The following ACSM2A variants were observed in gnomAD, a reference collection of about 807,000 sequenced individuals.
ACSM2A encodes the protein acyl-coenzyme A synthetase ACSM2A, mitochondrial.
ACSM2A carries 72 observed loss-of-function variants against 76.6 expected under a neutral mutation model. The observed-to-expected ratio is 0.94, with a 90% CI of 0.78 to 1.14. The LOEUF (loss-of-function observed/expected upper bound fraction) is 1.14. ACSM2A is among the 50% of genes most tolerant of loss of function. ACSM2A has a pLI of 0.00. For missense variants in ACSM2A, 684 were observed against 708.5 expected, an observed-to-expected ratio of 0.97 and a Z score of 0.39; for synonymous variants, 249 against 255.9, an observed-to-expected ratio of 0.97 and a Z score of 0.26.
chr16:20,477,477 A>G lies in ACSM2A; in HGVS notation c.1179+28A>G, dbSNP rs562935683. ...TTGCTCGGGACACTGAGGAGGGAGG[A>G]AGTTAGGGGAAACACTGATTTTCAG... On this transcript the variant is annotated intron_variant, in intron 9 of 13. Coordinates refer to ENST00000573854, the MANE Select transcript of ACSM2A (RefSeq NM_001308172.2). 3.2e-4 allele frequency: 506 copies of G among 1,580,948 alleles called. 6 individuals carry two copies. The highest frequency in any genetic ancestry group is 2.0e-3 in the South Asian group (167 of 84,190).
chr16:20,464,753 A>G (rs1439708359), intron 2 of ACSM2A, among the ~76,000 whole-genome samples: 3 of 152,132 alleles, frequency 2.0e-5, no homozygotes, highest in Non-Finnish European at 4.4e-5. Context: ...AGAGTCGGAA[A>G]GTAGAATGGT....
chr16:20,467,692 T>C (rs1264447112), intron 3 of ACSM2A, among the ~76,000 whole-genome samples: 1 of 152,036 alleles, frequency 6.6e-6, no homozygotes, highest in African/African-American at 2.4e-5. Flanking sequence ...AAAGAGGTAT[T>C]AGTGTGTTAG....
intron 2 of ACSM2A, among the ~76,000 whole-genome samples, chr16:20,462,026 A>T (rs2012653775): frequency 6.6e-6 from 1 of 152,168 alleles, no homozygotes; most frequent in Admixed American, 6.5e-5. Flanking sequence ...CAGACACAGG[A>T]CAGGTAAAGT....
chr16:20,453,479 T>A (rs1434405270), intron 1 of ACSM2A: 1 of 148,594 alleles, frequency 6.7e-6, no homozygotes, highest in Non-Finnish European at 1.5e-5. Context: ...CTTAATCCTG[T>A]TATCTTCATA....
chr16:20,478,559 T>A lies in ACSM2A; in HGVS notation c.1180-17T>A. ...CCTGCTGTGTGCATCATTCTTCCAA[T>A]CTGCTTCTTTCTCCAGATCATAGAT... On this transcript the variant is annotated splice_polypyrimidine_tract_variant and intron_variant, in intron 9 of 13. Transcript: ENST00000573854. 1.9e-6 allele frequency: 3 copies of A among 1,611,782 alleles called. No homozygotes were observed. The South Asian group carries it at 3.3e-5, about 18-fold the overall frequency.
At chr16:20,469,786 C>A in intron 4 of ACSM2A, 67 bp downstream of exon 4, 2 of 1,598,608 alleles carry the variant, frequency 1.3e-6, no homozygotes, top group Non-Finnish European at 1.7e-6. Flanking sequence ...CACTTAGGTG[C>A]AGGTGCTTTA....
rs569856514 is a variant in ACSM2A, at chr16:20,457,362, GAAAGA to G, written c.-8-2741_-8-2737del. ...CCAAACCAGAAAAGGATGTAACAAAGAAAGAAAACTACAGACCAATATCCTTGATG... is the reference window on the plus strand; with the variant it reads ...CCAAACCAGAAAAGGATGTAACAAAGAAACTACAGACCAATATCCTTGATG... On this transcript the variant is annotated intron_variant, in intron 1 of 13. Transcript: ENST00000573854. Among the ~76,000 whole-genome samples the G allele has an allele frequency of 2.6e-5, 4 of 152,050 alleles. No homozygotes were observed. In the East Asian group the frequency reaches 7.7e-4, roughly 29 times the overall value.
intron 5 of ACSM2A, 102 bp from the exon 6 acceptor site, chr16:20,471,434 C>T: frequency 1.3e-5 from 19 of 1,514,686 alleles, no homozygotes; most frequent in Non-Finnish European, 1.7e-5. Flanking sequence ...TACACACACA[C>T]CTCTGCACAC....
At chr16:20,486,505 G>T (rs567969724) in intron 13 of ACSM2A, 69 bp from the exon 14 acceptor site, 1 of 1,557,262 alleles carries the variant, frequency 6.4e-7, no homozygotes, top group East Asian at 2.2e-5. Context: ...TCACCCTACA[G>T]CAGTTCTGAA....
In ACSM2A at chr16:20,475,725, G is replaced by T; in HGVS notation, c.1050G>T (p.Arg350Ser). 6.2e-7 allele frequency: 1 copy of T among 1,614,026 alleles called. No individual in the cohort carries two copies. Residue 350 changes from arginine to serine, a missense_variant, in exon 8 of 14, where the codon AGG becomes AGT. This residue lies in a region of ACSM2A where 519 missense variants were observed against 549.5 expected (regional missense o/e 0.94). Transcript: ENST00000573854. ...TTCCAGAAACTCTGGAGAACTGGAG[G>T]GCCCAGACAGGACTGGACATCCGAG... ...SLLPETLENW[R>S]AQTGLDIRES...
At chr16:20,455,736 TAAAA>T (rs543571170) in intron 1 of ACSM2A, among the ~76,000 whole-genome samples, 1 of 132,820 alleles carries the variant, frequency 7.5e-6, no homozygotes, top group Non-Finnish European at 1.5e-5. Context: ...AAAAATACAA[TAAAA>T]AAAAAACCCA....
At chr16:20,478,442 TG>T in intron 9 of ACSM2A, 133 bp from the exon 10 acceptor site, 1 of 1,003,456 alleles carries the variant, frequency 1.0e-6, no homozygotes, top group Non-Finnish European at 1.4e-6. Context: ...TGGGTTCCCC[TG>T]GCTTCTGGTT....
chr16:20,456,083 G>T (rs1413802413), intron 1 of ACSM2A, among the ~76,000 whole-genome samples: 2 of 146,298 alleles, frequency 1.4e-5, no homozygotes, highest in Non-Finnish European at 3.0e-5. Flanking sequence ...AAAAGGTCTT[G>T]TCCAACAGGA....
intron 1 of ACSM2A, among the ~76,000 whole-genome samples, chr16:20,458,153 G>C (rs2012307999): frequency 6.6e-6 from 1 of 151,330 alleles, no homozygotes. Context: ...AGAAATCATA[G>C]ATGACACAAA....
intron 3 of ACSM2A, 75 bp downstream of exon 3, chr16:20,465,802 T>A (rs1325609377): frequency 6.5e-6 from 10 of 1,539,468 alleles, no homozygotes; most frequent in Non-Finnish European, 8.8e-6. Flanking sequence ...TGCAGCCACC[T>A]CTCTCAAAAG....
intron 13 of ACSM2A, 43 bp from the exon 14 acceptor site, chr16:20,486,531 T>C: frequency 1.2e-6 from 2 of 1,607,980 alleles, no homozygotes; most frequent in Non-Finnish European, 1.7e-6. Context: ...CAACCCACTG[T>C]CGTCACAGAT....
rs148631132 is a variant in ACSM2A at position 20,475,747 on chromosome 16, C to T, written c.1072C>T (p.Arg358Ter). The T allele has an allele frequency of 7.7e-5, 125 of 1,613,826 alleles. 1 individual carries two copies. Among genetic ancestry groups the T allele is most frequent in the Admixed American group, 3.3e-4 (20 of 59,980 alleles). ...GAGGGCCCAGACAGGACTGGACATC[C>T]GAGAATCCTATGGCCAGACAGAAAC... The part of the protein sequence containing the change: ...NWRAQTGLDI[R>*]ESYGQTETGL... The change falls in exon 8 of 14, where the codon CGA becomes TGA. Residue 358 changes from arginine (R) to a stop codon, truncating the protein, a stop_gained. Transcript: ENST00000573854. LOFTEE classifies it high-confidence loss of function.
intron 6 of ACSM2A, chr16:20,473,928 A>G: frequency 2.6e-6 from 1 of 383,338 alleles, no homozygotes; most frequent in Non-Finnish European, 5.0e-6. Flanking sequence ...TATTTATCTT[A>G]ACTAAGGCAT....
In ACSM2A at chr16:20,475,615, G is replaced by C. The variant is rs761034566; in HGVS notation, c.975-35G>C. ...GGCCTGAGTGGACTTTGGTTCCAGGGAGGCTGAGGGCAAACATTTATTTCT... is the reference window on the plus strand; with the variant it reads ...GGCCTGAGTGGACTTTGGTTCCAGGCAGGCTGAGGGCAAACATTTATTTCT... On this transcript the variant is annotated intron_variant, in intron 7 of 13. Coordinates refer to ENST00000573854, the MANE Select transcript of ACSM2A (RefSeq NM_001308172.2). The C allele has an allele frequency of 3.7e-6, 6 of 1,613,060 alleles. No homozygotes were observed. In the African/African-American group the frequency reaches 8.0e-5, roughly 22 times the overall value.
Sources: gnomAD v4.1 joint callset for allele counts (sites outside exome capture counted in the v4.1 genomes callset) on GRCh38, gnomAD v4.1.1 for gene constraint, gnomAD v4.1.1 regional missense constraint, MANE v1.5 for transcripts, NCBI Gene and HGNC (gene_info 2026-07-23, HGNC 2026-07-21) for gene names.